Variants in ADGRL2 observed in about 807,000 individuals in gnomAD.
ADGRL2 encodes the protein adhesion G protein-coupled receptor L2, also known as calcium-independent alpha-latrotoxin receptor 2.
A neutral mutation model predicts 157.4 loss-of-function variants in ADGRL2; 44 were observed. The ratio of observed to expected loss-of-function variants is 0.28; its 90% CI spans 0.22 to 0.36. The LOEUF is 0.36. Ranked by LOEUF, ADGRL2 falls within the 10% of genes least tolerant of loss-of-function variation. The probability of loss-of-function intolerance (pLI) is 1.00; values close to 1 mark genes in which losing one functional copy is unlikely to be tolerated. For missense variants in ADGRL2, 1,510 were observed against 1,768.9 expected, an observed-to-expected ratio of 0.85 and a Z score of 2.63; for synonymous variants, 585 against 624.7, an observed-to-expected ratio of 0.94 and a Z score of 0.95.
At chr1:81,881,082 G>A (rs2093974346) in intron 2 of ADGRL2, among the ~76,000 whole-genome samples, 3 of 152,142 alleles carry the variant, frequency 2.0e-5, no homozygotes, top group African/African-American at 7.2e-5. Context: ...TGTTATGAAT[G>A]GTAGGGGAAT....
At chr1:81,975,330 T>G (rs78685478) in intron 17 of ADGRL2, among the ~76,000 whole-genome samples, 3,225 of 152,154 alleles carry the variant, frequency 0.021, 110 homozygotes, top group African/African-American at 0.072. Context: ...TTTTCCTTTC[T>G]CACTGATGCA....
chr1:81,547,070 G>A (rs1214919581), intron 2 of ADGRL2, among the ~76,000 whole-genome samples: 2 of 152,116 alleles, frequency 1.3e-5, no homozygotes, highest in Non-Finnish European at 2.9e-5. Context: ...TATCTACCGT[G>A]AATGGCTTCA....
At chr1:81,647,801 T>A (rs2082342764) in intron 3 of ADGRL2, among the ~76,000 whole-genome samples, 1 of 152,230 alleles carries the variant, frequency 6.6e-6, no homozygotes, top group Non-Finnish European at 1.5e-5. Context: ...AGGAAGTTGC[T>A]ATTCCATGCA....
intron 2 of ADGRL2, among the ~76,000 whole-genome samples, chr1:81,773,549 G>C (rs955624561): frequency 2.0e-5 from 3 of 152,084 alleles, no homozygotes; most frequent in Non-Finnish European, 4.4e-5. Flanking sequence ...GTAAGGTTAG[G>C]ACCACCAGTA....
At chr1:81,371,106 G>A (rs1427598003) in intron 1 of ADGRL2, among the ~76,000 whole-genome samples, 1 of 152,096 alleles carries the variant, frequency 6.6e-6, no homozygotes, top group Non-Finnish European at 1.5e-5. Context: ...CATTAATAGT[G>A]GCTTTCAGTG....
chr1:81,860,603 T>C (rs1029757932), intron 2 of ADGRL2, among the ~76,000 whole-genome samples: 14 of 152,208 alleles, frequency 9.2e-5, no homozygotes, highest in African/African-American at 3.4e-4. Context: ...CATGGTAACA[T>C]GACACAAAAG....
At chr1:81,356,280 G>A (rs1418792692) in intron 1 of ADGRL2, among the ~76,000 whole-genome samples, 1 of 152,204 alleles carries the variant, frequency 6.6e-6, no homozygotes, top group Middle Eastern at 3.2e-3. Context: ...TGAGGCTTAG[G>A]TTATACATTG....
chr1:81,646,781 T>C (rs901822603), intron 3 of ADGRL2, among the ~76,000 whole-genome samples: 19 of 152,178 alleles, frequency 1.2e-4, no homozygotes, highest in Non-Finnish European at 2.5e-4. Context: ...AGGATTCATT[T>C]TGAAGAAATG....
At chr1:81,592,960 G>C (rs2081161861) in intron 3 of ADGRL2, among the ~76,000 whole-genome samples, 1 of 151,964 alleles carries the variant, frequency 6.6e-6, no homozygotes, top group African/African-American at 2.4e-5. Context: ...TCCTTCTTTG[G>C]GACAACCCAT....
intron 1 of ADGRL2, among the ~76,000 whole-genome samples, chr1:81,315,957 C>T (rs946800740): frequency 6.6e-6 from 1 of 152,042 alleles, no homozygotes; most frequent in Admixed American, 6.6e-5. Context: ...AGTTCTGAGA[C>T]ATTGACATGA....
intron 2 of ADGRL2, among the ~76,000 whole-genome samples, chr1:81,785,790 T>G (rs1193666536): frequency 6.6e-6 from 1 of 152,072 alleles, no homozygotes; most frequent in Non-Finnish European, 1.5e-5. Context: ...TCAATGATTC[T>G]CATCTTGTGG....
chr1:81,496,528 A>C (rs2078734244), intron 2 of ADGRL2, among the ~76,000 whole-genome samples: 1 of 152,160 alleles, frequency 6.6e-6, no homozygotes. Flanking sequence ...AAAGCTGCAG[A>C]GCTCTCCTAA....
At chr1:81,512,738 T>C (rs183780187) in intron 2 of ADGRL2, among the ~76,000 whole-genome samples, 10 of 152,322 alleles carry the variant, frequency 6.6e-5, no homozygotes, top group African/African-American at 2.2e-4. Context: ...GTTGTCTTCC[T>C]TTACAGTGTA....
rs1570691289 is a variant in ADGRL2 at position 81,633,439 on chromosome 1, TA to T, written c.-143+52466del. Reference sequence around the variant, plus strand: ...GGTGAAACCCTGTCTCCACTAAAAATAAAAAAATCAGCCAGGCATGGTGGCA... The same window carrying T: ...GGTGAAACCCTGTCTCCACTAAAAATAAAAAATCAGCCAGGCATGGTGGCA... On this transcript the variant is annotated intron_variant, in intron 3 of 24. Transcript: ENST00000370721. 2.0e-5 allele frequency among the ~76,000 whole-genome samples: 3 copies of T among 150,520 alleles called. No homozygotes were observed. In the South Asian group the frequency reaches 6.3e-4, roughly 32 times the overall value.
At chr1:81,465,522 T>C (rs967569269) in intron 2 of ADGRL2, among the ~76,000 whole-genome samples, 2 of 152,164 alleles carry the variant, frequency 1.3e-5, no homozygotes, top group African/African-American at 4.8e-5. Context: ...AAGCTGCAAG[T>C]GTTAAGAATA....
chr1:81,926,151 A>G (rs192634397), intron 3 of ADGRL2, among the ~76,000 whole-genome samples: 76 of 152,178 alleles, frequency 5.0e-4, no homozygotes, highest in Non-Finnish European at 8.7e-4. Context: ...TAAGAAGTAA[A>G]TAATTACAAA....
At chr1:81,824,174 C>G (rs1488836975) in intron 1 of ADGRL2, among the ~76,000 whole-genome samples, 1 of 151,872 alleles carries the variant, frequency 6.6e-6, no homozygotes, top group Non-Finnish European at 1.5e-5. Context: ...AGCCTCAGTG[C>G]CTTGAACAAA....
intron 6 of ADGRL2, among the ~76,000 whole-genome samples, chr1:81,945,411 G>GA (rs1353325242): frequency 1.3e-5 from 2 of 150,318 alleles, no homozygotes; most frequent in East Asian, 1.9e-4. Context: ...GTCATCCTCA[G>GA]AAAAAAAAGA....
intron 2 of ADGRL2, among the ~76,000 whole-genome samples, chr1:81,889,905 C>T (rs549308341): frequency 6.6e-6 from 1 of 152,308 alleles, no homozygotes; most frequent in South Asian, 2.1e-4. Context: ...CCACCCTTCT[C>T]TTTGCCTTTT....
Sources: allele counts gnomAD v4.1 joint callset (sites outside exome capture counted in the v4.1 genomes callset), GRCh38; gene constraint gnomAD v4.1.1; transcripts MANE v1.5; gene names NCBI Gene and HGNC (gene_info 2026-07-23, HGNC 2026-07-21).